Variants in ASIC2 observed in about 807,000 individuals in gnomAD.
ASIC2 encodes acid-sensing ion channel 2.
A neutral mutation model predicts 57.3 loss-of-function variants in ASIC2; 25 were observed. The ratio of observed to expected loss-of-function variants is 0.44; its 90% CI spans 0.32 to 0.61. ASIC2 has a LOEUF of 0.61. Among genes scored for constraint, ASIC2 ranks in the 20% least tolerant of loss-of-function variants. ASIC2 has a pLI of 0.06. For missense variants in ASIC2, 641 were observed against 738.1 expected (o/e 0.87, Z 1.52); for synonymous variants, 319 against 307.5 (o/e 1.04, Z -0.39).
chr17:33,754,203 G>C (rs1485314745), intron 1 of ASIC2, among the ~76,000 whole-genome samples: 1 of 152,030 alleles, frequency 6.6e-6, no homozygotes, highest in Non-Finnish European at 1.5e-5. Context: ...TCACCTTTGA[G>C]AATCAACTCT....
At chr17:33,689,878 C>A (rs1442836140) in intron 1 of ASIC2, among the ~76,000 whole-genome samples, 1 of 152,222 alleles carries the variant, frequency 6.6e-6, no homozygotes, top group Non-Finnish European at 1.5e-5. Flanking sequence ...GTTGTGCTGA[C>A]AACCACCAGA....
chr17:33,634,832 C>G (rs766911402), intron 1 of ASIC2: 1 of 151,844 alleles, frequency 6.6e-6, no homozygotes, highest in Non-Finnish European at 1.5e-5. Flanking sequence ...GGATTACAGG[C>G]GTGAGCCACT....
At chr17:33,391,931 T>A (rs1479936183) in intron 1 of ASIC2, among the ~76,000 whole-genome samples, 1 of 152,326 alleles carries the variant, frequency 6.6e-6, no homozygotes, top group Non-Finnish European at 1.5e-5. Context: ...GGATATCCTA[T>A]AACTTACAAC....
intron 3 of ASIC2, among the ~76,000 whole-genome samples, chr17:33,039,137 G>T (rs762664871): frequency 5.9e-5 from 9 of 152,178 alleles, no homozygotes; most frequent in Non-Finnish European, 1.2e-4. Flanking sequence ...ATATCCACCT[G>T]GCTCACCTGA....
At chr17:33,855,087 A>C (rs1223398421) in intron 1 of ASIC2, among the ~76,000 whole-genome samples, 3 of 152,034 alleles carry the variant, frequency 2.0e-5, no homozygotes, top group Non-Finnish European at 4.4e-5. Flanking sequence ...TGGCCAAAGG[A>C]GAGGTCTTTA....
In ASIC2 at chr17:33,825,717, A is replaced by G. The variant is rs184881876; in HGVS notation, c.555+330261T>C. 2.0e-5 allele frequency among the ~76,000 whole-genome samples: 3 copies of G among 152,336 alleles called. No homozygotes were observed. The East Asian group carries it at 5.8e-4, about 29-fold the overall frequency. The stretch of plus-strand genomic sequence containing the variant: ...AAAGACCTCAAAACTATAAAAACCT[A>G]AGGTTCCTTTGGACACCATCGAATC... On this transcript the variant is annotated intron_variant, in intron 1 of 9. Coordinates refer to the ASIC2 transcript ENST00000359872.
At chr17:33,933,386 C>T (rs536193234) in intron 1 of ASIC2, among the ~76,000 whole-genome samples, 3 of 152,270 alleles carry the variant, frequency 2.0e-5, no homozygotes, top group African/African-American at 7.2e-5. Flanking sequence ...TTTTATTCAC[C>T]GCAGTGCCTG....
chr17:34,043,164 G>A (rs528657095), intron 1 of ASIC2, among the ~76,000 whole-genome samples: 1 of 152,320 alleles, frequency 6.6e-6, no homozygotes, highest in Non-Finnish European at 1.5e-5. Flanking sequence ...AGGGTAGGAT[G>A]GGAGCTCCAG....
intron 3 of ASIC2, among the ~76,000 whole-genome samples, chr17:33,069,271 A>G (rs1431631880): frequency 6.6e-6 from 1 of 152,148 alleles, no homozygotes; most frequent in Non-Finnish European, 1.5e-5. Context: ...CTATCTTGGT[A>G]AGCGTGCTGT....
rs761934426 is a variant in ASIC2 at position 33,015,944 on chromosome 17, A to G, written c.1590+27T>C. On this transcript the variant is annotated intron_variant, in intron 9 of 9. Coordinates refer to ENST00000225823, the MANE Select transcript of ASIC2 (RefSeq NM_183377.2). Reference sequence around the variant, plus strand: ...CCGGTACAAGCCAGAGCAGCAGAACAACTTCCAATCAGTGAGCTGCTCTTA... The same window carrying G: ...CCGGTACAAGCCAGAGCAGCAGAACGACTTCCAATCAGTGAGCTGCTCTTA... 1.9e-6 allele frequency: 3 copies of G among 1,613,226 alleles called. No individual in the cohort carries two copies. The South Asian group carries it at 3.3e-5, about 18-fold the overall frequency.
chr17:33,568,661 C>T (rs1351936098), intron 1 of ASIC2, among the ~76,000 whole-genome samples: 1 of 152,162 alleles, frequency 6.6e-6, no homozygotes, highest in Non-Finnish European at 1.5e-5. Context: ...CTTTTTATTA[C>T]CCTCTAGATA....
intron 1 of ASIC2, chr17:34,070,702 C>CA (rs1909366671): frequency 6.6e-6 from 1 of 152,240 alleles, no homozygotes; most frequent in Non-Finnish European, 1.5e-5. Context: ...GAGAAAAGAA[C>CA]AGCAAGGACA....
intron 1 of ASIC2, among the ~76,000 whole-genome samples, chr17:34,116,074 G>C (rs554100073): frequency 1.3e-5 from 2 of 152,176 alleles, no homozygotes; most frequent in African/African-American, 2.4e-5. Flanking sequence ...AGAGAGTGTT[G>C]AGAGTATAGA....
At chr17:33,394,811 T>C (rs1010619219) in intron 1 of ASIC2, among the ~76,000 whole-genome samples, 3 of 152,198 alleles carry the variant, frequency 2.0e-5, no homozygotes, top group Admixed American at 6.5e-5. Flanking sequence ...TGGTTGGTCA[T>C]GTCGTTTTTG....
chr17:33,592,198 C>G (rs977493084), intron 1 of ASIC2, among the ~76,000 whole-genome samples: 1 of 152,218 alleles, frequency 6.6e-6, no homozygotes, highest in Non-Finnish European at 1.5e-5. Context: ...TTTTCCTATA[C>G]CACTTGCATT....
At chr17:33,848,368 T>C (rs1327949366) in intron 1 of ASIC2, among the ~76,000 whole-genome samples, 1 of 152,182 alleles carries the variant, frequency 6.6e-6, no homozygotes, top group Non-Finnish European at 1.5e-5. Context: ...TTATACCTCC[T>C]CTTCCTCTGC....
intron 1 of ASIC2, among the ~76,000 whole-genome samples, chr17:33,949,822 C>A (rs191481911): frequency 9.8e-5 from 15 of 152,320 alleles, no homozygotes; most frequent in African/African-American, 3.6e-4. Context: ...TGGCACCTAG[C>A]AAAGGCTTAG....
At chr17:33,676,446 C>T (rs1398889033) in intron 1 of ASIC2, among the ~76,000 whole-genome samples, 1 of 152,218 alleles carries the variant, frequency 6.6e-6, no homozygotes, top group Non-Finnish European at 1.5e-5. Context: ...ATTAAAGGTG[C>T]TACTTGTGAA....
chr17:33,172,501 A>G (rs921043078), intron 1 of ASIC2, among the ~76,000 whole-genome samples: 1 of 152,124 alleles, frequency 6.6e-6, no homozygotes, highest in Non-Finnish European at 1.5e-5. Flanking sequence ...TTAGCCCCAC[A>G]TGCCTGTCCT....
Sources: allele counts gnomAD v4.1 joint callset (sites outside exome capture counted in the v4.1 genomes callset), GRCh38; gene constraint gnomAD v4.1.1; transcripts MANE v1.5; gene names NCBI Gene and HGNC (gene_info 2026-07-23, HGNC 2026-07-21).